TMEM132D: variants seen among roughly 807,000 people sequenced by gnomAD.
TMEM132D encodes the protein transmembrane protein 132D.
TMEM132D carries 21 observed loss-of-function variants against 62.3 expected under a neutral mutation model. The observed-to-expected ratio is 0.34, with a 90% CI of 0.24 to 0.49. The LOEUF (loss-of-function observed/expected upper bound fraction) is 0.49. Among genes scored for constraint, TMEM132D ranks in the 20% least tolerant of loss-of-function variants. The pLI is 0.99. For missense variants in TMEM132D, 1,346 were observed against 1,402.8 expected, an observed-to-expected ratio of 0.96 and a Z score of 0.65; for synonymous variants, 621 against 575.6, an observed-to-expected ratio of 1.08 and a Z score of -1.13.
At position 129,774,370 on chromosome 12, in the gene TMEM132D, A is replaced by T. The variant is rs546078928; in HGVS notation, c.80-73672T>A. The stretch of plus-strand genomic sequence containing the variant: ...CTCAAGGTGACCTGCCCTGGGTCCA[A>T]CCTCATGAACAGTGACTGAACCTCT... On this transcript the variant is annotated intron_variant, in intron 1 of 8. Coordinates refer to ENST00000422113, the MANE Select transcript of TMEM132D (RefSeq NM_133448.3). Among the ~76,000 whole-genome samples the T allele has an allele frequency of 1.8e-4, 27 of 152,222 alleles. No homozygotes were observed. In the South Asian group the frequency reaches 5.6e-3, roughly 32 times the overall value.
chr12:129,337,864 TATG>T, intron 3 of TMEM132D, 47 bp from the exon 4 acceptor site: 1 of 1,536,510 alleles, frequency 6.5e-7, no homozygotes, highest in Non-Finnish European at 8.8e-7. Context: ...ACTGATGAGG[TATG>T]GCACGCTTGG....
At chr12:129,103,484 A>C (rs1875383560) in intron 5 of TMEM132D, among the ~76,000 whole-genome samples, 1 of 137,604 alleles carries the variant, frequency 7.3e-6, no homozygotes, top group African/African-American at 2.5e-5. Context: ...CCATCCAGAC[A>C]CACAGGGCAT....
chr12:129,380,618 G>A (rs115438547), intron 3 of TMEM132D, among the ~76,000 whole-genome samples: 56 of 152,126 alleles, frequency 3.7e-4, no homozygotes, highest in African/African-American at 1.3e-3. Context: ...CTCATCACGT[G>A]TGTTGGTTTG....
chr12:129,354,468 T>C (rs762794638), intron 3 of TMEM132D, among the ~76,000 whole-genome samples: 1 of 151,922 alleles, frequency 6.6e-6, no homozygotes, highest in South Asian at 2.1e-4. Flanking sequence ...GGACTACAGG[T>C]GCGAGCCACC....
chr12:129,497,832 T>C (rs1875006943), intron 3 of TMEM132D, among the ~76,000 whole-genome samples: 1 of 152,106 alleles, frequency 6.6e-6, no homozygotes, highest in East Asian at 1.9e-4. Context: ...GCTAATTTTT[T>C]ATGTTTTTAG....
At chr12:129,735,679 G>T (rs1869399488) in intron 1 of TMEM132D, among the ~76,000 whole-genome samples, 1 of 152,168 alleles carries the variant, frequency 6.6e-6, no homozygotes, top group Admixed American at 6.5e-5. Context: ...AAGAGCAAAT[G>T]CTGTAAGCCA....
chr12:129,782,957 C>T (rs1021854871), intron 1 of TMEM132D, among the ~76,000 whole-genome samples: 1 of 152,164 alleles, frequency 6.6e-6, no homozygotes, highest in Non-Finnish European at 1.5e-5. Context: ...CATGATAAAC[C>T]CCTAATCATA....
chr12:129,262,981 T>C (rs1454772294), intron 4 of TMEM132D, among the ~76,000 whole-genome samples: 1 of 152,048 alleles, frequency 6.6e-6, no homozygotes, highest in Non-Finnish European at 1.5e-5. Context: ...GGTTGGCCAA[T>C]GGGGAGCTCC....
intron 1 of TMEM132D, among the ~76,000 whole-genome samples, chr12:129,739,673 C>G (rs1017171246): frequency 1.3e-5 from 2 of 152,156 alleles, no homozygotes; most frequent in Non-Finnish European, 2.9e-5. Context: ...TGTGCATTCA[C>G]GTTCATTCCT....
chr12:129,174,210 CT>C (rs1339340033), intron 5 of TMEM132D, among the ~76,000 whole-genome samples: 1 of 152,066 alleles, frequency 6.6e-6, no homozygotes, highest in Non-Finnish European at 1.5e-5. Context: ...TTAACCCGTC[CT>C]CTAAGTTCAC....
At chr12:129,851,397 T>G (rs937074816) in intron 1 of TMEM132D, among the ~76,000 whole-genome samples, 1 of 152,148 alleles carries the variant, frequency 6.6e-6, no homozygotes, top group African/African-American at 2.4e-5. Flanking sequence ...AATATTAAAT[T>G]GAAAAATTGT....
chr12:129,191,089 C>T (rs1878386833), intron 5 of TMEM132D, among the ~76,000 whole-genome samples: 1 of 152,128 alleles, frequency 6.6e-6, no homozygotes, highest in Admixed American at 6.5e-5. Flanking sequence ...ATTTCCTCTC[C>T]AAGGGACGTG....
intron 3 of TMEM132D, among the ~76,000 whole-genome samples, chr12:129,343,330 A>G (rs956127786): frequency 6.6e-6 from 1 of 152,024 alleles, no homozygotes; most frequent in African/African-American, 2.4e-5. Flanking sequence ...ACAAGGACAG[A>G]AAAACAACCA....
chr12:129,843,354 T>A (rs1326117832), intron 1 of TMEM132D, among the ~76,000 whole-genome samples: 4 of 152,192 alleles, frequency 2.6e-5, no homozygotes, highest in Non-Finnish European at 4.4e-5. Context: ...TTGTCAAATA[T>A]TTACTAGATT....
intron 7 of TMEM132D, among the ~76,000 whole-genome samples, chr12:129,079,038 A>C (rs545338933): frequency 1.3e-5 from 2 of 152,318 alleles, no homozygotes; most frequent in Non-Finnish European, 2.9e-5. Context: ...TGACGTTTTC[A>C]TTCGACTATT....
At chr12:129,439,539 T>C (rs375917416) in intron 3 of TMEM132D, among the ~76,000 whole-genome samples, 14 of 151,460 alleles carry the variant, frequency 9.2e-5, no homozygotes, top group African/African-American at 3.4e-4. Context: ...AACCTCCCCC[T>C]CCTGGGTTCA....
intron 4 of TMEM132D, among the ~76,000 whole-genome samples, chr12:129,296,140 C>A (rs1332255195): frequency 3.4e-4 from 51 of 151,938 alleles, no homozygotes; most frequent in Admixed American, 3.2e-3. Flanking sequence ...ATACACACAT[C>A]CTGTTGGTTC....
intron 5 of TMEM132D, among the ~76,000 whole-genome samples, chr12:129,180,624 G>A (rs1375311775): frequency 1.3e-5 from 2 of 152,208 alleles, no homozygotes; most frequent in Non-Finnish European, 2.9e-5. Context: ...GAGTAAGGAG[G>A]AGAGTTAAAG....
intron 5 of TMEM132D, among the ~76,000 whole-genome samples, chr12:129,171,053 A>C (rs1291514397): frequency 6.6e-6 from 1 of 152,146 alleles, no homozygotes; most frequent in African/African-American, 2.4e-5. Context: ...GTTTGATAGC[A>C]TTTTACCCAC....
Sources: gnomAD v4.1 joint callset for allele counts (sites outside exome capture counted in the v4.1 genomes callset) on GRCh38, gnomAD v4.1.1 for gene constraint, MANE v1.5 for transcripts, NCBI Gene and HGNC (gene_info 2026-07-23, HGNC 2026-07-21) for gene names.